Variants in VPS13B observed in about 807,000 individuals in gnomAD.
VPS13B encodes the protein intermembrane lipid transfer protein VPS13B.
Under a neutral mutation model 426.4 loss-of-function variants are expected in VPS13B, and 285 were observed. That is an observed-to-expected ratio of 0.67 (90% CI 0.61 to 0.74). The LOEUF is 0.74. VPS13B is among the 30% of genes least tolerant of loss of function. The pLI is 0.00. For synonymous variants in VPS13B, 1,676 were observed against 1,676.4 expected (o/e 1.00, Z 0.01); for missense variants, 4,537 against 4,782.6 (o/e 0.95, Z 1.51).
intron 44 of VPS13B, among the ~76,000 whole-genome samples, chr8:99,816,001 T>G (rs1383837082): frequency 6.6e-6 from 1 of 152,008 alleles, no homozygotes; most frequent in Non-Finnish European, 1.5e-5. Context: ...CTAGCTAATT[T>G]TTAAATTTTT....
chr8:99,174,381 G>A (rs995764205), intron 16 of VPS13B, among the ~76,000 whole-genome samples: 2 of 152,100 alleles, frequency 1.3e-5, no homozygotes, highest in Non-Finnish European at 2.9e-5. Flanking sequence ...CTGTTTTTGA[G>A]AGCTGCCATA....
intron 35 of VPS13B, among the ~76,000 whole-genome samples, chr8:99,669,283 T>C (rs1436734108): frequency 6.6e-6 from 1 of 152,054 alleles, no homozygotes; most frequent in Non-Finnish European, 1.5e-5. Context: ...TTTAATTTAA[T>C]GAGAGCTGAC....
At chr8:99,430,819 A>G (rs979418718) in intron 21 of VPS13B, among the ~76,000 whole-genome samples, 27 of 151,830 alleles carry the variant, frequency 1.8e-4, no homozygotes, top group African/African-American at 6.3e-4. Context: ...CCCGGGTTCA[A>G]GTGATTCCCC....
intron 4 of VPS13B, 149 bp downstream of exon 4, chr8:99,096,581 C>A: frequency 2.7e-6 from 3 of 1,126,348 alleles, no homozygotes; most frequent in Non-Finnish European, 3.8e-6. Context: ...CATGGTGAAG[C>A]CATGTCTCTG....
intron 58 of VPS13B, among the ~76,000 whole-genome samples, chr8:99,864,432 C>T (rs1816992342): frequency 6.6e-6 from 1 of 152,042 alleles, no homozygotes; most frequent in South Asian, 2.1e-4. Flanking sequence ...GTGGCACATC[C>T]CTGTGGGCCC....
At chr8:99,838,735 G>A (rs544194766) in intron 54 of VPS13B, among the ~76,000 whole-genome samples, 95 of 152,346 alleles carry the variant, frequency 6.2e-4, no homozygotes, top group African/African-American at 2.2e-3. Context: ...AGGTACAGTT[G>A]TGCTATGTGG....
intron 39 of VPS13B, among the ~76,000 whole-genome samples, chr8:99,729,595 T>C (rs1374892095): frequency 6.6e-6 from 1 of 152,216 alleles, no homozygotes; most frequent in East Asian, 1.9e-4. Context: ...ACAGATTCTA[T>C]AGTCTTCCAG....
intron 42 of VPS13B, among the ~76,000 whole-genome samples, chr8:99,783,011 A>G (rs1812091728): frequency 6.6e-6 from 1 of 152,116 alleles, no homozygotes; most frequent in Non-Finnish European, 1.5e-5. Flanking sequence ...AGAATAAGGT[A>G]TGTCAGGGCC....
chr8:99,030,286 A>G (rs1269224730), intron 2 of VPS13B, among the ~76,000 whole-genome samples: 1 of 148,510 alleles, frequency 6.7e-6, no homozygotes, highest in Non-Finnish European at 1.5e-5. Context: ...TTGTTTAGTT[A>G]TAATGTTGCT....
chr8:99,332,395 C>A (rs182280823), intron 19 of VPS13B, among the ~76,000 whole-genome samples: 69 of 151,670 alleles, frequency 4.5e-4, no homozygotes, highest in African/African-American at 1.5e-3. Flanking sequence ...TTAATCTTTT[C>A]ATATATGGCC....
In VPS13B at chr8:99,047,365, C is replaced by T. The variant is rs181804534; in HGVS notation, c.291+8799C>T. Among the ~76,000 whole-genome samples, 205 of 152,144 alleles carry T rather than the reference C, an allele frequency of 1.3e-3. 1 individual carries two copies. Among genetic ancestry groups the T allele is most frequent in the African/African-American group, 4.7e-3 (194 of 41,546 alleles). On this transcript the variant is annotated intron_variant, in intron 3 of 61. Transcript: ENST00000357162. ...TGATCCTTTGTATTTCTGTCTTGTC[C>T]GTTGTAATATTTCCCGTTTCGTTTC...
intron 3 of VPS13B, among the ~76,000 whole-genome samples, chr8:99,053,312 C>A (rs1476885501): frequency 6.6e-6 from 1 of 151,942 alleles, no homozygotes; most frequent in African/African-American, 2.4e-5. Context: ...CACAACAGTC[C>A]CCATTGTGTG....
intron 43 of VPS13B, among the ~76,000 whole-genome samples, chr8:99,808,296 G>A (rs978495690): frequency 2.0e-5 from 3 of 152,030 alleles, no homozygotes; most frequent in African/African-American, 7.2e-5. Context: ...CGAGGCAAGC[G>A]ATCTTGAGGT....
intron 30 of VPS13B, among the ~76,000 whole-genome samples, chr8:99,535,957 T>G (rs1260055853): frequency 6.6e-6 from 1 of 152,084 alleles, no homozygotes; most frequent in Non-Finnish European, 1.5e-5. Flanking sequence ...CAAATTTTTT[T>G]TTTTTTTTTG....
intron 17 of VPS13B, among the ~76,000 whole-genome samples, chr8:99,263,910 T>C: frequency 6.6e-6 from 1 of 152,184 alleles, no homozygotes. Flanking sequence ...TATTCCTTTT[T>C]CCTAAATCTT....
At chr8:99,022,919 G>A (rs958348718) in intron 2 of VPS13B, among the ~76,000 whole-genome samples, 1 of 151,102 alleles carries the variant, frequency 6.6e-6, no homozygotes, top group Admixed American at 6.6e-5. Context: ...GTTTTGGGTT[G>A]GGTTTGATTT....
intron 33 of VPS13B, among the ~76,000 whole-genome samples, chr8:99,633,350 A>T (rs925782467): frequency 2.0e-5 from 3 of 152,050 alleles, no homozygotes; most frequent in African/African-American, 7.2e-5. Context: ...ACTAAATACA[A>T]ACTTTTCTGT....
intron 35 of VPS13B, among the ~76,000 whole-genome samples, chr8:99,686,354 T>C (rs182485611): frequency 2.0e-5 from 3 of 150,784 alleles, no homozygotes. Context: ...AGGCTCATGA[T>C]AACCCCTGCC....
At chr8:99,109,387 T>G (rs1847238178) in intron 5 of VPS13B, among the ~76,000 whole-genome samples, 1 of 146,946 alleles carries the variant, frequency 6.8e-6, no homozygotes, top group Admixed American at 6.7e-5. Flanking sequence ...TTTCTTTCTT[T>G]CTTTTTTTTT....
Sources: gnomAD v4.1 joint callset for allele counts (sites outside exome capture counted in the v4.1 genomes callset) on GRCh38, gnomAD v4.1.1 for gene constraint, MANE v1.5 for transcripts, NCBI Gene and HGNC (gene_info 2026-07-23, HGNC 2026-07-21) for gene names.